The following SHROOM1 variants were observed in gnomAD, a reference collection of about 807,000 sequenced individuals.
SHROOM1 encodes protein Shroom1.
Under a neutral mutation model 64.2 loss-of-function variants are expected in SHROOM1, and 53 were observed. The observed-to-expected ratio is 0.83, with a 90% CI of 0.66 to 1.04. The LOEUF is 1.04. Ranked by LOEUF, SHROOM1 falls within the 50% of genes least tolerant of loss-of-function variation. The pLI is 0.00. For missense variants in SHROOM1, 1,179 were observed against 1,163.2 expected, an observed-to-expected ratio of 1.01 and a Z score of -0.20; for synonymous variants, 490 against 518.9, an observed-to-expected ratio of 0.94 and a Z score of 0.76.
In SHROOM1 at chr5:132,825,645, T is replaced by C; in HGVS notation, c.496A>G (p.Ser166Gly). 1.5e-6 allele frequency: 2 copies of C among 1,350,616 alleles called. No individual in the cohort carries two copies. The highest frequency in any genetic ancestry group is 1.9e-6 in the Non-Finnish European group (2 of 1,058,930). 83.7% of individuals were successfully genotyped at this position (1,350,616 alleles called of 1,614,324 possible). A position where few individuals can be genotyped will look rare whatever the true frequency, so the allele number is the denominator to read the frequency against. Reference sequence around the variant, plus strand: ...GTGGGCCGCAGACGGGCGGGCAGGCTCATGCGGAGCTCCTTGCGCTGGAAC... The same window carrying C: ...GTGGGCCGCAGACGGGCGGGCAGGCCCATGCGGAGCTCCTTGCGCTGGAAC... ...TSFQRKELRM[S>G]LPARLRPTVP... The change falls in exon 4 of 10, where the codon AGC becomes GGC. Residue 166 changes from serine (S) to glycine (G), a missense_variant. Ser to Gly is a moderately conservative substitution (Grantham distance 56, BLOSUM62 0). Transcript: ENST00000378679. This position sits in a 1 kb window ranked among gnomAD's most constrained non-coding sequence, Gnocchi z 5.1.
rs777029241 is a variant in SHROOM1, at chr5:132,826,179, G to T, written c.-39C>A. On this transcript the variant is annotated 5_prime_UTR_variant, in exon 4 of 10. Transcript: ENST00000378679. ...AGTGCTGAGGCTGGGTGGCTGCGTG[G>T]GTCCTGGGAAAACACAGATGTGGTG... 2.0e-5 allele frequency: 26 copies of T among 1,299,646 alleles called. No individual in the cohort carries two copies. Among genetic ancestry groups the T allele is most frequent in the Non-Finnish European group, 2.4e-5 (25 of 1,024,820 alleles). The allele number at this position is 1,299,646 out of a possible 1,614,324, so 80.5% of individuals were successfully genotyped here.
At position 132,824,841 on chromosome 5, in the gene SHROOM1, A is replaced by T. The variant is rs747451398; in HGVS notation, c.1035-20T>A. 1 of 1,613,118 alleles carries T rather than the reference A, an allele frequency of 6.2e-7. No individual in the cohort carries two copies. The highest frequency in any genetic ancestry group is 8.5e-7 in the Non-Finnish European group (1 of 1,179,278). ...AAGAACCTGGAGGCAGGGACCCCATAGTGACCACAGTGAAAGGAAGGAAGC... is the reference window on the plus strand; with the variant it reads ...AAGAACCTGGAGGCAGGGACCCCATTGTGACCACAGTGAAAGGAAGGAAGC... On this transcript the variant is annotated intron_variant, in intron 5 of 9. Coordinates refer to ENST00000378679, the MANE Select transcript of SHROOM1 (RefSeq NM_001172700.2).
Position 132,822,703 on chromosome 5 carries a change from A to C in SHROOM1, c.*93T>G. ...AAAGGCCTGGACTGGGTCCTCCCCA[A>C]TCCCTCAAGGGAAAAGCAGAGACTA... On this transcript the variant is annotated 3_prime_UTR_variant, in exon 10 of 10. Coordinates refer to ENST00000378679, the MANE Select transcript of SHROOM1 (RefSeq NM_001172700.2). 7.2e-7 allele frequency: 1 copy of C among 1,385,894 alleles called. No individual in the cohort carries two copies. Among genetic ancestry groups the C allele is most frequent in the South Asian group, 1.5e-5 (1 of 68,170 alleles). The allele number at this position is 1,385,894 out of a possible 1,614,324, so 85.8% of individuals were successfully genotyped here. A position where few individuals can be genotyped will look rare whatever the true frequency, so the allele number is the denominator to read the frequency against.
At chr5:132,827,299 C>T (rs1758732804) in intron 2 of SHROOM1, among the ~76,000 whole-genome samples, 162 bp downstream of exon 2, 1 of 152,194 alleles carries the variant, frequency 6.6e-6, no homozygotes, top group African/African-American at 2.4e-5. Context: ...CAGTGCCCAG[C>T]AGAGTCCCTG....
chr5:132,824,976 T>G, intron 5 of SHROOM1, 42 bp downstream of exon 5: 2 of 1,610,314 alleles, frequency 1.2e-6, no homozygotes, highest in South Asian at 1.1e-5. Flanking sequence ...CTATGCAAGC[T>G]GCTTCCCCCC....
intron 1 of SHROOM1, among the ~76,000 whole-genome samples, chr5:132,828,238 G>T (rs988565046): frequency 2.0e-5 from 3 of 152,132 alleles, no homozygotes; most frequent in African/African-American, 7.2e-5. Flanking sequence ...AGTGGTAGGA[G>T]GATATGGTGT....
At position 132,825,408 on chromosome 5, in the gene SHROOM1, C is replaced by T; in HGVS notation, c.733G>A (p.Glu245Lys). 6.3e-7 allele frequency: 1 copy of T among 1,594,992 alleles called. No homozygotes were observed. The highest frequency in any genetic ancestry group is 8.5e-7 in the Non-Finnish European group (1 of 1,177,574). ...GGGPARECLG[E>K]ACSSSGLPGP... is the part of the protein sequence containing the mutation. Reference sequence around the variant, plus strand: ...GGGAGGCCAGAGCTGGAGCAGGCCTCACCCAGGCATTCCCGCGCCGGCCCA... The same window carrying T: ...GGGAGGCCAGAGCTGGAGCAGGCCTTACCCAGGCATTCCCGCGCCGGCCCA... Residue 245 changes from glutamate to lysine, a missense_variant, in exon 4 of 10, where the codon GAG (glutamate) becomes AAG (lysine). Physicochemically the swap from Glu to Lys is moderately conservative, Grantham distance 56. Transcript: ENST00000378679. This position sits in a 1 kb window ranked among gnomAD's most constrained non-coding sequence, Gnocchi z 5.1.
Position 132,830,021 on chromosome 5 carries a change from C to G in SHROOM1, c.-501+573G>C, listed in dbSNP as rs1195695819. On this transcript the variant is annotated intron_variant, in intron 1 of 9. Coordinates refer to ENST00000378679, the MANE Select transcript of SHROOM1 (RefSeq NM_001172700.2). This position sits in a 1 kb window ranked among gnomAD's most constrained non-coding sequence, Gnocchi z 5.9. ...AGAGGCGGCCGCGGGCGTGGACAGA[C>G]CCGGTTACCTGGGGTTCAATCTCTG... is the stretch of plus-strand genomic sequence containing the variant. 4.1e-6 allele frequency: 4 copies of G among 985,344 alleles called. No homozygotes were observed. The African/African-American group carries it at 7.0e-5, about 17-fold the overall frequency. The allele number at this position is 985,344 out of a possible 1,614,324, so 61.0% of individuals were successfully genotyped here.
In SHROOM1 at chr5:132,824,708, G is replaced by A. The variant is rs142835485; in HGVS notation, c.1148C>T (p.Pro383Leu). 2.4e-5 allele frequency: 39 copies of A among 1,613,990 alleles called. No individual in the cohort carries two copies. The African/African-American group carries it at 3.3e-4, about 14-fold the overall frequency. Residue 383 changes from proline (P) to leucine (L), a missense_variant, in exon 6 of 10, where the codon CCC becomes CTC. Pro to Leu is a moderately conservative substitution (Grantham distance 98). Transcript: ENST00000378679. ...SETCIVPAWL[P>L]SLPDEVFLEE... is the part of the protein sequence containing the mutation. The stretch of plus-strand genomic sequence containing the variant: ...TAGGAACACTTCATCAGGAAGGGAG[G>A]GGAGCCAGGCAGGCACAATGCAGGT...
In SHROOM1 at chr5:132,823,304, C is replaced by G; in HGVS notation, c.2172G>C (p.Ala724=). 1 of 1,602,156 alleles carries G rather than the reference C, an allele frequency of 6.2e-7. No homozygotes were observed. Residue 724 remains alanine (A), a synonymous_variant, in exon 9 of 10, where the codon GCG becomes GCC. Transcript: ENST00000378679. The surrounding 1 kb of genome is among the most constrained non-coding windows in gnomAD (Gnocchi z 4.6). The part of the protein sequence containing the change: ...GLLLLLGSRL[A]RVRRALARAA... ...CCCGGGCCAGGGCGCGGCGCACGCG[C>G]GCCAGGCGACTGCCCAGCAGCAGCA...
Position 132,824,186 on chromosome 5 carries a change from G to A in SHROOM1, c.1475C>T (p.Pro492Leu). The A allele has an allele frequency of 6.2e-7, 1 of 1,614,218 alleles. No homozygotes were observed. The highest frequency in any genetic ancestry group is 8.5e-7 in the Non-Finnish European group (1 of 1,180,040). Residue 492 changes from proline (P) to leucine (L), a missense_variant, in exon 7 of 10, where the codon CCC becomes CTC. Physicochemically the swap from Pro to Leu is moderately conservative, Grantham distance 98. Coordinates refer to ENST00000378679, the MANE Select transcript of SHROOM1 (RefSeq NM_001172700.2). ...GAGGAGGTCACTCTCTGCAGCTGTG[G>A]GGGGATTGGTGGTCAGTCCAGTGGG... ...IDPTGLTTNPPTAAESDLLKP... is the reference protein window; with the variant it reads ...IDPTGLTTNPLTAAESDLLKP...
rs758089251 is a variant in SHROOM1, at chr5:132,822,939, G to A, written c.2416C>T (p.Leu806=). 8.9e-5 allele frequency: 143 copies of A among 1,612,640 alleles called. No individual in the cohort carries two copies. The Admixed American group carries it at 1.3e-3, about 15-fold the overall frequency. ...TGAAGGAGGCGGATGCGCTCGTCCAGGTTGCGCTGCTGGGCCAGGACGGCG... is the reference window on the plus strand; with the variant it reads ...TGAAGGAGGCGGATGCGCTCGTCCAAGTTGCGCTGCTGGGCCAGGACGGCG... ...KAAVLAQQRN[L]DERIRLLQDQ... Residue 806 remains leucine (L), a synonymous_variant, in exon 10 of 10, where the codon CTG becomes TTG. Coordinates refer to ENST00000378679, the MANE Select transcript of SHROOM1 (RefSeq NM_001172700.2).
At chr5:132,827,890 C>G (rs1269765822) in intron 1 of SHROOM1, among the ~76,000 whole-genome samples, 1 of 152,150 alleles carries the variant, frequency 6.6e-6, no homozygotes, top group African/African-American at 2.4e-5. Flanking sequence ...GGGCAGGACT[C>G]ACCAGAAATC....
chr5:132,827,774 C>A (rs1758749315), intron 1 of SHROOM1, among the ~76,000 whole-genome samples, 167 bp from the exon 2 acceptor site: 2 of 152,214 alleles, frequency 1.3e-5, no homozygotes, highest in African/African-American at 4.8e-5. Context: ...CCCTATTAGT[C>A]TTTTCTGGGG....
At chr5:132,826,910 C>A (rs1758720925) in intron 2 of SHROOM1, among the ~76,000 whole-genome samples, 1 of 152,188 alleles carries the variant, frequency 6.6e-6, no homozygotes, top group African/African-American at 2.4e-5. Context: ...AGAAGCAAGC[C>A]CTGCTGAAAG....
At position 132,823,132 on chromosome 5, in the gene SHROOM1, G is replaced by A. The variant is rs763014987; in HGVS notation, c.2227-4C>T. ...GGAGTCGCTGCAGCAGGGAGGCCTT[G>A]AGCCGCAGGAAGAGGCGCCGTGAGC... is the stretch of plus-strand genomic sequence containing the variant. On this transcript the variant is annotated splice_region_variant and splice_polypyrimidine_tract_variant and intron_variant, in intron 9 of 9. Coordinates refer to ENST00000378679, the MANE Select transcript of SHROOM1 (RefSeq NM_001172700.2). The surrounding 1 kb of genome is among the most constrained non-coding windows in gnomAD (Gnocchi z 4.6). 14 of 1,552,098 alleles carry A rather than the reference G, an allele frequency of 9.0e-6. No individual in the cohort carries two copies. The highest frequency in any genetic ancestry group is 1.1e-5 in the Non-Finnish European group (13 of 1,157,066).
intron 6 of SHROOM1, 39 bp downstream of exon 6, chr5:132,824,575 AG>A: frequency 6.3e-7 from 1 of 1,580,312 alleles, no homozygotes; most frequent in Non-Finnish European, 8.6e-7. Context: ...TGTGTGTGTC[AG>A]GGGGTGCCTC....
chr5:132,824,895 G>A (rs1758607867), intron 5 of SHROOM1, 74 bp from the exon 6 acceptor site: 1 of 1,600,688 alleles, frequency 6.2e-7, no homozygotes, highest in Non-Finnish European at 8.5e-7. Context: ...GAGACAGTAG[G>A]GTATTTTCAA....
rs555976203 is a variant in SHROOM1, at chr5:132,827,767, T to C, written c.-500-160A>G. Reference sequence around the variant, plus strand: ...CTTCTGCGCACGCTTCTTCCCTCCCTATTAGTCTTTTCTGGGGAAGAGGAC... The same window carrying C: ...CTTCTGCGCACGCTTCTTCCCTCCCCATTAGTCTTTTCTGGGGAAGAGGAC... On this transcript the variant is annotated intron_variant, in intron 1 of 9. Coordinates refer to ENST00000378679, the MANE Select transcript of SHROOM1 (RefSeq NM_001172700.2). Among the ~76,000 whole-genome samples the C allele has an allele frequency of 2.6e-5, 4 of 152,324 alleles. 1 individual carries two copies. The South Asian group carries it at 8.3e-4, about 32-fold the overall frequency.
Sources: allele counts gnomAD v4.1 joint callset (sites outside exome capture counted in the v4.1 genomes callset), GRCh38; gene constraint gnomAD v4.1.1; non-coding constraint Gnocchi (gnomAD v3.1); transcripts MANE v1.5; gene names NCBI Gene and HGNC (gene_info 2026-07-23, HGNC 2026-07-21).